The following CFAP96 variants were observed in gnomAD, a reference collection of about 807,000 sequenced individuals.
CFAP96 encodes cilia-and flagella-associated protein 96.
At chr4:185,425,948 C>T in the CFAP96 span, 4 of 1,528,614 alleles carry the variant, frequency 2.6e-6, no homozygotes, top group East Asian at 2.4e-5. Context: ...TGTCACCGCA[C>T]GGCCCAGGGG....
At chr4:185,427,433 T>C in the CFAP96 span, among the ~76,000 whole-genome samples, 10,847 of 152,230 alleles carry the variant, frequency 0.071, 662 homozygotes, top group African/African-American at 0.16. Flanking sequence ...TCAGGCAGGC[T>C]TGCAGAGAGG....
the CFAP96 span, chr4:185,425,789 C>G: frequency 1.3e-6 from 2 of 1,559,024 alleles, no homozygotes; most frequent in Non-Finnish European, 1.7e-6. Flanking sequence ...TCCTTTCAGG[C>G]GCTGTGAAGC....
the CFAP96 span, among the ~76,000 whole-genome samples, chr4:185,426,814 C>T: frequency 6.9e-6 from 1 of 145,132 alleles, no homozygotes; most frequent in Non-Finnish European, 1.5e-5. Flanking sequence ...GACGCATCAC[C>T]TGCGCTCACG....
chr4:185,447,706 C>T, the CFAP96 span, among the ~76,000 whole-genome samples: 1 of 152,078 alleles, frequency 6.6e-6, no homozygotes, highest in Non-Finnish European at 1.5e-5. Context: ...AATTCAATTT[C>T]AGTAATATAG....
chr4:185,415,316 T>G, the CFAP96 span: 1 of 1,596,288 alleles, frequency 6.3e-7, no homozygotes, highest in Admixed American at 1.9e-5. Flanking sequence ...GTTAGTTGAT[T>G]ATGAATTGCA....
the CFAP96 span, among the ~76,000 whole-genome samples, chr4:185,424,298 C>T: frequency 1.1e-4 from 16 of 152,080 alleles, no homozygotes; most frequent in Admixed American, 3.9e-4. Flanking sequence ...AGAGCAAGAT[C>T]TTGTCTCCAA....
At chr4:185,429,993 A>G in the CFAP96 span, among the ~76,000 whole-genome samples, 8 of 152,220 alleles carry the variant, frequency 5.3e-5, no homozygotes, top group African/African-American at 1.9e-4. Context: ...TTATGAGAAT[A>G]GGAATCTCGT....
the CFAP96 span, chr4:185,449,587 C>A: frequency 6.6e-7 from 1 of 1,525,706 alleles, no homozygotes; most frequent in Non-Finnish European, 8.8e-7. Flanking sequence ...GTTTATTTTC[C>A]AATTTTAGGG....
At chr4:185,435,035 C>T in the CFAP96 span, among the ~76,000 whole-genome samples, 1 of 152,134 alleles carries the variant, frequency 6.6e-6, no homozygotes, top group Non-Finnish European at 1.5e-5. Flanking sequence ...GCCACCACAC[C>T]CACCCCCGGA....
chr4:185,431,220 A>G, the CFAP96 span, among the ~76,000 whole-genome samples: 1 of 151,988 alleles, frequency 6.6e-6, no homozygotes, highest in East Asian at 1.9e-4. Context: ...AAAAAAAAAA[A>G]AAAAAAAAAA....
the CFAP96 span, among the ~76,000 whole-genome samples, chr4:185,414,493 T>G: frequency 2.0e-5 from 3 of 152,230 alleles, no homozygotes; most frequent in South Asian, 6.2e-4. Context: ...GATCAGCTCC[T>G]GTAGCTATTG....
At chr4:185,429,514 A>C in the CFAP96 span, 15 of 1,499,508 alleles carry the variant, frequency 1.0e-5, no homozygotes, top group Middle Eastern at 1.7e-4. Flanking sequence ...ATTTAATCGT[A>C]AGTATATTTG....
chr4:185,426,026 A>G, the CFAP96 span: 4 of 779,502 alleles, frequency 5.1e-6, no homozygotes, highest in African/African-American at 6.8e-5. Context: ...AGCGTACCAC[A>G]CCGCAGTCCC....
the CFAP96 span, chr4:185,429,467 T>C: frequency 3.3e-5 from 50 of 1,538,348 alleles, no homozygotes; most frequent in Non-Finnish European, 4.3e-5. Flanking sequence ...TTTAGTGAGA[T>C]GGAATATATT....
chr4:185,440,363 G>T, the CFAP96 span, among the ~76,000 whole-genome samples: 2 of 152,208 alleles, frequency 1.3e-5, no homozygotes, highest in Non-Finnish European at 2.9e-5. Context: ...TTGTCTGTAA[G>T]TAGGCATATC....
the CFAP96 span, among the ~76,000 whole-genome samples, chr4:185,413,535 A>C: frequency 1.3e-5 from 2 of 152,232 alleles, no homozygotes; most frequent in Non-Finnish European, 2.9e-5. Flanking sequence ...TGGTATATCT[A>C]CCTATTACTA....
chr4:185,428,819 T>C, the CFAP96 span, among the ~76,000 whole-genome samples: 3 of 152,158 alleles, frequency 2.0e-5, no homozygotes, highest in African/African-American at 4.8e-5. Flanking sequence ...GACACACTTA[T>C]TATGTTTATT....
the CFAP96 span, among the ~76,000 whole-genome samples, chr4:185,420,771 T>C: frequency 6.6e-6 from 1 of 152,332 alleles, no homozygotes; most frequent in South Asian, 2.1e-4. Context: ...TATTTTCTGA[T>C]TAATGAGAAG....
the CFAP96 span, chr4:185,445,291 C>T: frequency 2.7e-6 from 2 of 728,562 alleles, no homozygotes; most frequent in South Asian, 4.2e-5. Context: ...ACCTGCCCTC[C>T]CTTGTAGAAG....
Sources: allele counts gnomAD v4.1 joint callset (sites outside exome capture counted in the v4.1 genomes callset), GRCh38; gene constraint gnomAD v4.1.1; transcripts MANE v1.5; gene names NCBI Gene and HGNC (gene_info 2026-07-23, HGNC 2026-07-21).